The following LYRM4 variants were observed in gnomAD, a reference collection of about 807,000 sequenced individuals.
The protein encoded by LYRM4 is LYR motif-containing protein 4.
In LYRM4, 9 loss-of-function variants were observed where a neutral mutation model predicts 11.7. The observed-to-expected ratio is 0.77, with a 90% CI of 0.46 to 1.34. The LOEUF (loss-of-function observed/expected upper bound fraction) is 1.34. LYRM4 is among the 40% of genes most tolerant of loss of function. LYRM4 has a pLI of 0.00. For synonymous variants in LYRM4, 42 were observed against 40.4 expected (o/e 1.04, Z -0.15); for missense variants, 133 against 112.5 (o/e 1.18, Z -0.82).
At chr6:5,154,011 T>C (rs1044750266) in intron 2 of LYRM4, among the ~76,000 whole-genome samples, 3 of 152,172 alleles carry the variant, frequency 2.0e-5, no homozygotes, top group Admixed American at 1.3e-4. Flanking sequence ...GAAAATTACC[T>C]GCTAAATGTT....
the LYRM4 span, chr6:5,086,023 C>A: frequency 6.7e-7 from 1 of 1,494,218 alleles, no homozygotes; most frequent in Admixed American, 2.2e-5. Flanking sequence ...GCTCGGGGGG[C>A]TGCTGGCCGC....
At chr6:5,200,453 T>C (rs12660749) in intron 2 of LYRM4, among the ~76,000 whole-genome samples, 54,763 of 152,124 alleles carry the variant, frequency 0.36, 10,833 homozygotes, top group East Asian at 0.57. Context: ...TGGAAGCACA[T>C]GAAATTTTCA....
intron 1 of LYRM4, among the ~76,000 whole-genome samples, chr6:5,248,789 G>A (rs1287084145): frequency 6.6e-6 from 1 of 152,218 alleles, no homozygotes; most frequent in East Asian, 1.9e-4. Flanking sequence ...AAATTTCAGG[G>A]AATCTATCAG....
At chr6:5,177,683 T>TA (rs1270583372) in intron 2 of LYRM4, among the ~76,000 whole-genome samples, 2 of 152,218 alleles carry the variant, frequency 1.3e-5, no homozygotes, top group Non-Finnish European at 2.9e-5. Context: ...CCGTGACTAA[T>TA]AAAAAAATCC....
chr6:5,216,764 GA>G, intron 1 of LYRM4, 26 bp from the exon 2 acceptor site: 1 of 1,603,702 alleles, frequency 6.2e-7, no homozygotes, highest in Non-Finnish European at 8.5e-7. Flanking sequence ...GGAAAAAAAA[GA>G]AAAGGTGTCA....
chr6:5,158,197 T>C (rs1424346277), intron 2 of LYRM4, among the ~76,000 whole-genome samples: 1 of 152,266 alleles, frequency 6.6e-6, no homozygotes, highest in Non-Finnish European at 1.5e-5. Flanking sequence ...TGCATGCATA[T>C]ACACTTATGT....
chr6:5,112,964 G>C (rs434983), intron 2 of LYRM4: 131,258 of 165,170 alleles, frequency 0.79, 52,315 homozygotes, highest in East Asian at 0.85. Context: ...GAGAAGTGGG[G>C]TAGGGCCAGA....
chr6:5,101,159 G>A (rs1216978820), downstream of LYRM4, among the ~76,000 whole-genome samples: 1 of 152,106 alleles, frequency 6.6e-6, no homozygotes, highest in Non-Finnish European at 1.5e-5. Flanking sequence ...AGCATTTATG[G>A]CTCAGGTAGA....
chr6:5,217,100 C>T (rs1373509425), intron 1 of LYRM4, among the ~76,000 whole-genome samples: 4 of 152,156 alleles, frequency 2.6e-5, no homozygotes. Context: ...CGGCAGTGAA[C>T]CATGATGGTG....
chr6:5,084,575 G>GC, the LYRM4 span: 1 of 152,024 alleles, frequency 6.6e-6, no homozygotes, highest in Non-Finnish European at 1.5e-5. Flanking sequence ...CGGGCCTGGC[G>GC]CGAATGGCCT....
chr6:5,188,486 T>A (rs1221595924), intron 2 of LYRM4, among the ~76,000 whole-genome samples: 1 of 152,166 alleles, frequency 6.6e-6, no homozygotes, highest in Non-Finnish European at 1.5e-5. Context: ...AGAAGGGGAT[T>A]ATTGGTTGTG....
chr6:5,094,288 C>T, the LYRM4 span, among the ~76,000 whole-genome samples: 2 of 152,070 alleles, frequency 1.3e-5, no homozygotes, highest in Non-Finnish European at 2.9e-5. Context: ...TCAAGACAAG[C>T]CCGGAGAACA....
chr6:5,059,594 G>A, the LYRM4 span, among the ~76,000 whole-genome samples: 8 of 152,026 alleles, frequency 5.3e-5, no homozygotes, highest in Non-Finnish European at 7.4e-5. Context: ...CCTGCTCTGC[G>A]GCCCCATCAG....
At chr6:5,110,901 G>A (rs1365368277) in intron 2 of LYRM4, among the ~76,000 whole-genome samples, 6 of 152,164 alleles carry the variant, frequency 3.9e-5, no homozygotes, top group South Asian at 2.1e-4. Context: ...GCTGGTCCAC[G>A]GGCCACACTT....
At chr6:5,037,587 C>A in the LYRM4 span, among the ~76,000 whole-genome samples, 12 of 81,638 alleles carry the variant, frequency 1.5e-4, no homozygotes, top group African/African-American at 4.2e-4. Flanking sequence ...TAGGGGCGGC[C>A]GGGCAGAGGC....
intron 2 of LYRM4, among the ~76,000 whole-genome samples, chr6:5,156,338 GC>G (rs1218505233): frequency 3.3e-5 from 5 of 152,234 alleles, no homozygotes; most frequent in Non-Finnish European, 4.4e-5. Context: ...GACCACAGGT[GC>G]CTGCTAATGG....
At chr6:5,085,968 C>G in the LYRM4 span, 3 of 1,527,440 alleles carry the variant, frequency 2.0e-6, no homozygotes. Flanking sequence ...CCGCCGTGCT[C>G]TCGCGCCTCC....
intron 1 of LYRM4, among the ~76,000 whole-genome samples, chr6:5,250,044 A>G (rs191221689): frequency 6.6e-6 from 1 of 152,254 alleles, no homozygotes. Context: ...CTACTGCAAC[A>G]AAGAATAATT....
In LYRM4 at chr6:5,108,435, A is replaced by G; in HGVS notation, c.*988T>C. ...TTCCAAGAATAAAAGCATACAAACAATATCTTTATTACCTGTAATATACTT... is the reference window on the plus strand; with the variant it reads ...TTCCAAGAATAAAAGCATACAAACAGTATCTTTATTACCTGTAATATACTT... On this transcript the variant is annotated 3_prime_UTR_variant, in exon 3 of 3. Transcript: ENST00000330636. 1 of 976,888 alleles carries G rather than the reference A, an allele frequency of 1.0e-6. No individual in the cohort carries two copies. The highest frequency in any genetic ancestry group is 1.2e-6 in the Non-Finnish European group (1 of 822,014). The allele number at this position is 976,888 out of a possible 1,614,324, so 60.5% of individuals were successfully genotyped here.
Sources: gnomAD v4.1 joint callset for allele counts (sites outside exome capture counted in the v4.1 genomes callset) on GRCh38, gnomAD v4.1.1 for gene constraint, MANE v1.5 for transcripts, NCBI Gene and HGNC (gene_info 2026-07-23, HGNC 2026-07-21) for gene names.